Variants in AACS observed in about 807,000 individuals in gnomAD.
AACS encodes the protein acetoacetyl-CoA synthetase.
In AACS, 69 loss-of-function variants were observed where a neutral mutation model predicts 83.1. That is an observed-to-expected ratio of 0.83 (90% CI 0.68 to 1.01). The LOEUF is 1.01. Ranked by LOEUF, AACS falls within the 50% of genes least tolerant of loss-of-function variation. The probability of loss-of-function intolerance (pLI) is 0.00; values close to 1 mark genes in which losing one functional copy is unlikely to be tolerated. For synonymous variants in AACS, 333 were observed against 343.4 expected (o/e 0.97, Z 0.33); for missense variants, 866 against 882.2 (o/e 0.98, Z 0.23).
In AACS at chr12:125,130,999, G is replaced by A. The variant is rs139300712; in HGVS notation, c.1549+1539G>A. Among the ~76,000 whole-genome samples, 552 of 152,280 alleles carry A rather than the reference G, an allele frequency of 3.6e-3. 1 individual carries two copies. Among genetic ancestry groups the A allele is most frequent in the Non-Finnish European group, 6.0e-3 (410 of 68,018 alleles). On this transcript the variant is annotated intron_variant, in intron 14 of 17. Coordinates refer to ENST00000316519, the MANE Select transcript of AACS (RefSeq NM_023928.5). This position sits in a 1 kb window ranked among gnomAD's most constrained non-coding sequence, Gnocchi z 4.9. ...AGCACCAGCGCTGAGAGATTCTTGGGCTGTATAGGAAATGGCGTGATGGCA... is the reference window on the plus strand; with the variant it reads ...AGCACCAGCGCTGAGAGATTCTTGGACTGTATAGGAAATGGCGTGATGGCA...
intron 8 of AACS, 96 bp downstream of exon 8, chr12:125,107,364 T>C (rs1956858400): frequency 4.6e-6 from 7 of 1,506,334 alleles, no homozygotes; most frequent in Non-Finnish European, 6.3e-6. Context: ...GTTGTCAAAC[T>C]GCACCCCATC....
At chr12:125,066,530 A>G (rs1594558444) in intron 1 of AACS, among the ~76,000 whole-genome samples, 1 of 145,500 alleles carries the variant, frequency 6.9e-6, no homozygotes, top group Non-Finnish European at 1.5e-5. Flanking sequence ...GCACACTGCA[A>G]CCTCCGCCTC....
intron 8 of AACS, among the ~76,000 whole-genome samples, chr12:125,111,682 G>T (rs1416468213): frequency 1.3e-5 from 2 of 152,182 alleles, no homozygotes; most frequent in Non-Finnish European, 2.9e-5. Context: ...TCTGTTACTG[G>T]TTTGTTGGTT....
At chr12:125,116,229 G>A (rs908619987) in intron 9 of AACS, among the ~76,000 whole-genome samples, 1 of 152,104 alleles carries the variant, frequency 6.6e-6, no homozygotes, top group Non-Finnish European at 1.5e-5. Context: ...GGTGCAGGAA[G>A]CTCCCAGCAG....
intron 14 of AACS, among the ~76,000 whole-genome samples, chr12:125,133,780 C>T (rs550741817): frequency 1.3e-4 from 20 of 152,342 alleles, no homozygotes; most frequent in Middle Eastern, 3.4e-3. Context: ...TGAGGAGCTG[C>T]GTTCCTCCTC....
At chr12:125,095,428 A>AC (rs1484967566) in intron 5 of AACS, among the ~76,000 whole-genome samples, 1 of 151,998 alleles carries the variant, frequency 6.6e-6, no homozygotes, top group African/African-American at 2.4e-5. Context: ...CAGTCCTTTC[A>AC]CCTTGAGATC....
chr12:125,068,029 G>C (rs1175465482), intron 1 of AACS, among the ~76,000 whole-genome samples: 2 of 152,250 alleles, frequency 1.3e-5, no homozygotes, highest in African/African-American at 4.8e-5. Context: ...GGGTTGTGGA[G>C]TAAACATGAG....
chr12:125,103,020 G>A lies in AACS; in HGVS notation c.706G>A (p.Val236Met). 2 of 1,613,934 alleles carry A rather than the reference G, an allele frequency of 1.2e-6. No individual in the cohort carries two copies. Among genetic ancestry groups the A allele is most frequent in the Non-Finnish European group, 1.7e-6 (2 of 1,179,996 alleles). ...VVKGLPDLKK[V>M]VVIPYVSSRE... ...TCCAGGCCTACCAGACTTGAAGAAA[G>A]TGGTGGTGATTCCTTATGTGTCCTC... Residue 236 changes from valine to methionine, a missense_variant, in exon 7 of 18, where the codon GTG (valine) becomes ATG (methionine). Transcript: ENST00000316519.
intron 5 of AACS, among the ~76,000 whole-genome samples, chr12:125,095,173 A>G (rs926194681): frequency 1.3e-5 from 2 of 152,166 alleles, no homozygotes; most frequent in Admixed American, 6.5e-5. Flanking sequence ...GTTTTGTTGC[A>G]ACATGAAAGC....
chr12:125,078,381 C>T (rs1016165053), intron 3 of AACS: 2 of 453,332 alleles, frequency 4.4e-6, no homozygotes, highest in African/African-American at 2.0e-5. Flanking sequence ...GTCAGTGTTC[C>T]ATTGCTGTTT....
chr12:125,110,617 TA>T (rs1956935053), intron 8 of AACS, among the ~76,000 whole-genome samples: 1 of 152,184 alleles, frequency 6.6e-6, no homozygotes, highest in South Asian at 2.1e-4. Flanking sequence ...TGGCTCAGCC[TA>T]TAGGGAGGAG....
At chr12:125,076,395 A>T in intron 2 of AACS, 96 bp from the exon 3 acceptor site, 1 of 1,530,980 alleles carries the variant, frequency 6.5e-7, no homozygotes, top group Non-Finnish European at 8.9e-7. Context: ...TGGGAAGAAG[A>T]ACCACTTTTG....
At position 125,086,386 on chromosome 12, in the gene AACS, G is replaced by A. The variant is rs997653074; in HGVS notation, c.415G>A (p.Ala139Thr). Reference sequence around the variant, plus strand: ...TTTTGAAGAGCTGAGGCAAGAAGTGGCTTTGTTTGCAGCAGCAATGAGGAA... The same window carrying A: ...TTTTGAAGAGCTGAGGCAAGAAGTGACTTTGTTTGCAGCAGCAATGAGGAA... ...VTFEELRQEV[A>T]LFAAAMRKMG... is the part of the protein sequence containing the mutation. Residue 139 changes from alanine (A) to threonine (T), a missense_variant, in exon 4 of 18, where the codon GCT becomes ACT. Coordinates refer to ENST00000316519, the MANE Select transcript of AACS (RefSeq NM_023928.5). 1 of 1,614,100 alleles carries A rather than the reference G, an allele frequency of 6.2e-7. No individual in the cohort carries two copies. The highest frequency in any genetic ancestry group is 1.7e-5 in the Admixed American group (1 of 60,004).
At chr12:125,101,060 G>T (rs768922840) in intron 5 of AACS, 1 of 152,232 alleles carries the variant, frequency 6.6e-6, no homozygotes, top group Non-Finnish European at 1.5e-5. Context: ...TGAACTGCTT[G>T]CATCAGGCTC....
intron 8 of AACS, 29 bp from the exon 9 acceptor site, chr12:125,114,448 G>C: frequency 6.2e-7 from 1 of 1,603,918 alleles, no homozygotes; most frequent in Non-Finnish European, 8.5e-7. Context: ...CTAACAGAGA[G>C]CACCCGCTCC....
At position 125,083,055 on chromosome 12, in the gene AACS, A is replaced by T. The variant is rs537720514; in HGVS notation, c.359-3275A>T. ...TCCTGAAAGCCATAGTTTAGAACAAACATTTCTTACCTCCCAGTTTCTGTG... is the reference window on the plus strand; with the variant it reads ...TCCTGAAAGCCATAGTTTAGAACAATCATTTCTTACCTCCCAGTTTCTGTG... On this transcript the variant is annotated intron_variant, in intron 3 of 17. Coordinates refer to ENST00000316519, the MANE Select transcript of AACS (RefSeq NM_023928.5). Among the ~76,000 whole-genome samples the T allele has an allele frequency of 1.2e-4, 19 of 152,348 alleles. 1 individual carries two copies. Among genetic ancestry groups the T allele is most frequent in the Admixed American group, 3.9e-4 (6 of 15,304 alleles).
chr12:125,115,281 G>T (rs570016080), intron 9 of AACS, among the ~76,000 whole-genome samples: 58 of 140,488 alleles, frequency 4.1e-4, no homozygotes, highest in African/African-American at 1.4e-3. Flanking sequence ...TTTTTTTTGC[G>T]ATGAAGTCTA....
intron 8 of AACS, among the ~76,000 whole-genome samples, chr12:125,108,114 T>A (rs1956873266): frequency 6.6e-6 from 1 of 152,148 alleles, no homozygotes; most frequent in Non-Finnish European, 1.5e-5. Context: ...GGTAAAATAT[T>A]TGAAAGCCAC....
Position 125,134,798 on chromosome 12 carries a change from G to A in AACS, c.1624G>A (p.Gly542Ser), listed in dbSNP as rs1446176410. Residue 542 changes from glycine to serine, a missense_variant, in exon 16 of 18, where the codon GGC becomes AGC. Transcript: ENST00000316519. Reference sequence around the variant, plus strand: ...TGACCTCTTCTCTCTTTCCAGTGACGGCACCCTCAACCCCAACGGGGTGCG... The same window carrying A: ...TGACCTCTTCTCTCTTTCCAGTGACAGCACCCTCAACCCCAACGGGGTGCG... The part of the protein sequence containing the change: ...GGIVMLGRSD[G>S]TLNPNGVRFG... The A allele has an allele frequency of 2.5e-6, 4 of 1,614,110 alleles. No homozygotes were observed. The highest frequency in any genetic ancestry group is 2.2e-5 in the East Asian group (1 of 44,872).
Sources: allele counts gnomAD v4.1 joint callset (sites outside exome capture counted in the v4.1 genomes callset), GRCh38; gene constraint gnomAD v4.1.1; non-coding constraint Gnocchi (gnomAD v3.1); transcripts MANE v1.5; gene names NCBI Gene and HGNC (gene_info 2026-07-23, HGNC 2026-07-21).